CRIP2: variants seen among roughly 807,000 people sequenced by gnomAD.
The protein encoded by CRIP2 is cysteine-rich protein 2.
CRIP2 carries 31 observed loss-of-function variants against 31.3 expected under a neutral mutation model. The ratio of observed to expected loss-of-function variants is 0.99; its 90% CI spans 0.74 to 1.34. The LOEUF is 1.34. Ranked by LOEUF, CRIP2 falls within the 40% of genes most tolerant of loss-of-function variation. The pLI is 0.00. For missense variants in CRIP2, 389 were observed against 301.6 expected (o/e 1.29, Z -2.15); for synonymous variants, 177 against 127.2 (o/e 1.39, Z -2.63).
Position 105,478,860 on chromosome 14 carries a change from G to A in CRIP2, c.326G>A (p.Gly109Glu), listed in dbSNP as rs1310770187. 13 of 1,430,416 alleles carry A rather than the reference G, an allele frequency of 9.1e-6. No individual in the cohort carries two copies. The highest frequency in any genetic ancestry group is 1.1e-5 in the Non-Finnish European group (12 of 1,103,192). 88.6% of individuals were successfully genotyped at this position (1,430,416 alleles called of 1,614,324 possible). The change falls in exon 4 of 8, where the codon GGG becomes GAG. Residue 109 changes from glycine (G) to glutamate (E), a missense_variant. Physicochemically the swap from Gly to Glu is moderately conservative, Grantham distance 98. Transcript: ENST00000329146. The surrounding 1 kb of genome is among the most constrained non-coding windows in gnomAD (Gnocchi z 4.9). ...EERKASGPPK[G>E]PSRASSVTTF... The stretch of plus-strand genomic sequence containing the variant: ...CGGAAGGCGAGCGGCCCCCCGAAGG[G>A]GCCCAGCAGAGGTGGGCTGGGCGCG...
At position 105,478,779 on chromosome 14, in the gene CRIP2, C is replaced by G; in HGVS notation, c.245C>G (p.Ala82Gly). ...AGSYIYEKPL[A>G]EGPQVTGPIE... Reference sequence around the variant, plus strand: ...TCCTACATCTACGAGAAGCCCCTGGCGGAGGGGCCGCAGGTCACCGGCCCC... The same window carrying G: ...TCCTACATCTACGAGAAGCCCCTGGGGGAGGGGCCGCAGGTCACCGGCCCC... The change falls in exon 4 of 8, where the codon GCG becomes GGG. Residue 82 changes from alanine (A) to glycine (G), a missense_variant. Physicochemically the swap from Ala to Gly is moderately conservative, Grantham distance 60. Transcript: ENST00000329146. This position sits in a 1 kb window ranked among gnomAD's most constrained non-coding sequence, Gnocchi z 4.9. 7.0e-7 allele frequency: 1 copy of G among 1,432,552 alleles called. No individual in the cohort carries two copies. Among genetic ancestry groups the G allele is most frequent in the Non-Finnish European group, 9.1e-7 (1 of 1,099,986 alleles). The allele number at this position is 1,432,552 out of a possible 1,614,324, so 88.7% of individuals were successfully genotyped here.
At position 105,476,323 on chromosome 14, in the gene CRIP2, C is replaced by T. The variant is rs78427968; in HGVS notation, c.43+1418C>T. On this transcript the variant is annotated intron_variant, in intron 1 of 7. Coordinates refer to ENST00000329146, the MANE Select transcript of CRIP2 (RefSeq NM_001312.4). ...GCGGAAAACAAAGGCGCTTCAGACC[C>T]GGCTGGCTTCTGTCCTGCCTGGGAG... 4.2e-3 allele frequency: 4,148 copies of T among 985,532 alleles called. 136 individuals carry two copies. In the African/African-American group the frequency reaches 0.066, roughly 16 times the overall value. The allele number at this position is 985,532 out of a possible 1,614,324, so 61.0% of individuals were successfully genotyped here.
upstream of CRIP2, chr14:105,473,463 G>T: frequency 6.5e-7 from 1 of 1,535,676 alleles, no homozygotes; most frequent in Non-Finnish European, 8.7e-7. Context: ...AGCACCGAGG[G>T]CCTCTGGTTG....
intron 1 of CRIP2, chr14:105,477,316 G>C: frequency 1.0e-6 from 1 of 985,550 alleles, no homozygotes; most frequent in South Asian, 4.7e-5. Context: ...GCTGCCCTCA[G>C]ATCTTCCATG....
chr14:105,473,935 G>C (rs2083882178), upstream of CRIP2, among the ~76,000 whole-genome samples: 1 of 152,172 alleles, frequency 6.6e-6, no homozygotes, highest in East Asian at 1.9e-4. Flanking sequence ...GCCCCAGCCC[G>C]GGGCACAGAG....
upstream of CRIP2, chr14:105,473,044 GGTAGCAAGCCCCACA>G: frequency 7.6e-5 from 1 of 13,098 alleles, no homozygotes; most frequent in South Asian, 0.028. Flanking sequence ...AAGCCCCACA[GGTAGCAAGCCCCACA>G]GGTAGCAAAG....
At chr14:105,475,224 C>T (rs1260126496) in intron 1 of CRIP2, 2 of 277,966 alleles carry the variant, frequency 7.2e-6, no homozygotes, top group Non-Finnish European at 1.3e-5. Flanking sequence ...GGACGCATCC[C>T]GGTTCCTCGG....
At chr14:105,473,650 G>A (rs587770949), upstream of CRIP2, 13 of 1,191,450 alleles carry the variant, frequency 1.1e-5, no homozygotes, top group East Asian at 7.7e-5. Flanking sequence ...GGGGCCAGAA[G>A]GCTCAGAGAA....
chr14:105,475,189 T>G, intron 1 of CRIP2: 1 of 331,086 alleles, frequency 3.0e-6, no homozygotes, highest in South Asian at 1.1e-4. Context: ...GAGGCCAGTG[T>G]TTGGGGGAGC....
At position 105,479,473 on chromosome 14, in the gene CRIP2, G is replaced by A; in HGVS notation, c.539G>A (p.Gly180Glu). The change falls in exon 7 of 8, where the codon GGA (glycine) becomes GAA (glutamate). Residue 180 changes from glycine to glutamate, a missense_variant. Physicochemically the swap from Gly to Glu is moderately conservative, Grantham distance 98. Coordinates refer to ENST00000329146, the MANE Select transcript of CRIP2 (RefSeq NM_001312.4). Reference protein sequence around the residue: ...GQPYCHKPCYGILFGPKGVNT... With the variant: ...GQPYCHKPCYEILFGPKGVNT... ...CCCTACTGCCACAAGCCCTGCTATG[G>A]AATCCTCTTCGGACCCAAGGGTGAG... is the stretch of plus-strand genomic sequence containing the variant. The A allele has an allele frequency of 6.2e-7, 1 of 1,612,966 alleles. No individual in the cohort carries two copies.
rs1555436628 is a variant in CRIP2, at chr14:105,479,002, G to A, written c.361G>A (p.Gly121Arg). The A allele has an allele frequency of 3.8e-6, 6 of 1,572,258 alleles. No individual in the cohort carries two copies. The highest frequency in any genetic ancestry group is 5.2e-6 in the Non-Finnish European group (6 of 1,161,952). Residue 121 changes from glycine (G) to arginine (R), a missense_variant, in exon 5 of 8, where the codon GGG becomes AGG. By Grantham distance (125) the Gly-to-Arg change is moderately radical (BLOSUM62 -2). Transcript: ENST00000329146. ...SRASSVTTFT[G>R]EPNTCPRCSK... ...AGCCTCCAGTGTCACCACTTTCACC[G>A]GGGAGCCCAACACGTGCCCGCGCTG...
In CRIP2 at chr14:105,479,999, C is replaced by T. The variant is rs2084057958; in HGVS notation, c.*346C>T. The T allele has an allele frequency of 6.0e-6, 2 of 335,080 alleles. No individual in the cohort carries two copies. The highest frequency in any genetic ancestry group is 1.1e-5 in the Non-Finnish European group (2 of 175,130). The allele number at this position is 335,080 out of a possible 1,614,324, so 20.8% of individuals were successfully genotyped here. A position where few individuals can be genotyped will look rare whatever the true frequency, so the allele number is the denominator to read the frequency against. ...CACCCACCTGCCAGTGTTATTTATG[C>T]TCCCTTCGTGGGTGATGGCCACGCC... On this transcript the variant is annotated 3_prime_UTR_variant, in exon 8 of 8. Transcript: ENST00000329146.
intron 1 of CRIP2, chr14:105,476,992 T>TA (rs1178921461): frequency 5.6e-6 from 1 of 179,172 alleles, no homozygotes; most frequent in African/African-American, 2.4e-5. Context: ...CCCTCCCCGA[T>TA]ATCTGCCAGA....
At chr14:105,476,204 C>T (rs1386794183) in intron 1 of CRIP2, 5 of 985,326 alleles carry the variant, frequency 5.1e-6, no homozygotes, top group South Asian at 9.4e-5. Flanking sequence ...TACCCCAGGC[C>T]GGGCCAGGCC....
chr14:105,477,378 G>T (rs587694445), intron 1 of CRIP2: 27 of 985,250 alleles, frequency 2.7e-5, no homozygotes, highest in Middle Eastern at 1.0e-3. Flanking sequence ...GGTTTAGGAC[G>T]AGGAATCCAC....
upstream of CRIP2, chr14:105,473,199 C>A (rs1267589396): frequency 2.4e-5 from 36 of 1,529,910 alleles, no homozygotes; most frequent in Non-Finnish European, 3.1e-5. Flanking sequence ...CCCCTAGGGA[C>A]CCCTGGGCCT....
At chr14:105,475,911 C>A in intron 1 of CRIP2, 15 of 985,546 alleles carry the variant, frequency 1.5e-5, no homozygotes, top group Non-Finnish European at 1.8e-5. Flanking sequence ...CTGGTCGCCC[C>A]ATACCCAGAA....
rs1555436400 is a variant in CRIP2 at position 105,478,439 on chromosome 14, C to T, written c.139-11C>T. The T allele has an allele frequency of 2.5e-6, 4 of 1,602,334 alleles. No individual in the cohort carries two copies. The highest frequency in any genetic ancestry group is 1.1e-5 in the South Asian group (1 of 90,374). ...CTCAGGCAGGGTCCTGACCCGCGCCCCTCTGCGCAGCATGACGGGAAGCCG... is the reference window on the plus strand; with the variant it reads ...CTCAGGCAGGGTCCTGACCCGCGCCTCTCTGCGCAGCATGACGGGAAGCCG... On this transcript the variant is annotated splice_polypyrimidine_tract_variant and intron_variant, in intron 2 of 7. Coordinates refer to ENST00000329146, the MANE Select transcript of CRIP2 (RefSeq NM_001312.4). The surrounding 1 kb of genome is among the most constrained non-coding windows in gnomAD (Gnocchi z 4.9).
upstream of CRIP2, among the ~76,000 whole-genome samples, chr14:105,473,739 G>C (rs2083879768): frequency 6.6e-6 from 1 of 152,220 alleles, no homozygotes; most frequent in Non-Finnish European, 1.5e-5. Context: ...CGGGGCTCTA[G>C]GGCGGAGGCA....
Sources: allele counts gnomAD v4.1 joint callset (sites outside exome capture counted in the v4.1 genomes callset), GRCh38; gene constraint gnomAD v4.1.1; non-coding constraint Gnocchi (gnomAD v3.1); transcripts MANE v1.5; gene names NCBI Gene and HGNC (gene_info 2026-07-23, HGNC 2026-07-21).